MAN1B1: variants seen among roughly 807,000 people sequenced by gnomAD.
MAN1B1 encodes the protein mannosidase alpha class 1B member 1.
MAN1B1 carries 66 observed loss-of-function variants against 75.5 expected under a neutral mutation model. The observed-to-expected ratio is 0.87, with a 90% CI of 0.72 to 1.07. The LOEUF (loss-of-function observed/expected upper bound fraction) is 1.07, where lower values mean the gene tolerates loss of function less well. MAN1B1 is among the 50% of genes least tolerant of loss of function. The pLI is 0.00. For missense variants in MAN1B1, 973 were observed against 912.5 expected (o/e 1.07, Z -0.85); for synonymous variants, 453 against 382.8 (o/e 1.18, Z -2.14).
chr9:137,088,573 C>T, intron 2 of MAN1B1: 1 of 793,704 alleles, frequency 1.3e-6, no homozygotes, highest in Non-Finnish European at 2.0e-6. Flanking sequence ...TAAGATGCTT[C>T]TCTTTGGAGC....
intron 5 of MAN1B1, among the ~76,000 whole-genome samples, chr9:137,098,588 G>T (rs1830722535): frequency 6.6e-6 from 1 of 152,196 alleles, no homozygotes; most frequent in Non-Finnish European, 1.5e-5. Flanking sequence ...AGCAATCTCT[G>T]CGGCATCAAT....
chr9:137,107,268 C>T lies in MAN1B1; in HGVS notation c.1585C>T (p.Leu529=), dbSNP rs1243391132. Residue 529 remains leucine, a synonymous_variant, in exon 11 of 13, where the codon CTG becomes TTG. Transcript: ENST00000371589. The part of the protein sequence containing the change: ...SAKMDHLVCF[L]PGTLALGVYH... The stretch of plus-strand genomic sequence containing the variant: ...ATTCCAGGACCACCTGGTGTGCTTC[C>T]TGCCAGGGACGCTGGCTCTGGGCGT... 6.2e-7 allele frequency: 1 copy of T among 1,612,988 alleles called. No homozygotes were observed. Among genetic ancestry groups the T allele is most frequent in the Non-Finnish European group, 8.5e-7 (1 of 1,179,966 alleles).
intron 5 of MAN1B1, 118 bp from the exon 6 acceptor site, chr9:137,099,578 C>G: frequency 8.5e-7 from 1 of 1,176,708 alleles, no homozygotes; most frequent in Non-Finnish European, 1.3e-6. Context: ...CCCGTCGTCC[C>G]AAACCCACCG....
At chr9:137,106,893 G>A (rs945546169) in intron 10 of MAN1B1, 84 bp downstream of exon 10, 24 of 875,746 alleles carry the variant, frequency 2.7e-5, no homozygotes, top group East Asian at 3.5e-5. Context: ...CAAAAAGAAC[G>A]AAATCCTGGC....
intron 4 of MAN1B1, among the ~76,000 whole-genome samples, chr9:137,096,986 T>G (rs963613492): frequency 6.6e-6 from 1 of 152,246 alleles, no homozygotes; most frequent in African/African-American, 2.4e-5. Context: ...AGGGCTGCTG[T>G]GCAGGAGTGG....
chr9:137,098,973 G>A (rs1830732254), intron 5 of MAN1B1, among the ~76,000 whole-genome samples: 1 of 152,182 alleles, frequency 6.6e-6, no homozygotes, highest in Non-Finnish European at 1.5e-5. Context: ...GGGATTATAG[G>A]CACCCGCCAC....
In MAN1B1 at chr9:137,099,826, C is replaced by T. The variant is rs142928152; in HGVS notation, c.861C>T (p.Leu287=). Residue 287 remains leucine, a synonymous_variant, in exon 6 of 13, where the codon CTC becomes CTT. Transcript: ENST00000371589. ...VSRSFSEWFG[L]GLTLIDALDT... is the part of the protein sequence containing the mutation. Reference sequence around the variant, plus strand: ...GGTCCTTCAGTGAGTGGTTTGGCCTCGGTCTCACACTGATCGACGCGCTGG... The same window carrying T: ...GGTCCTTCAGTGAGTGGTTTGGCCTTGGTCTCACACTGATCGACGCGCTGG... 3,182 of 1,614,224 alleles carry T rather than the reference C, an allele frequency of 2.0e-3. 24 individuals are homozygous for T. Among genetic ancestry groups the T allele is most frequent in the East Asian group, 8.2e-3 (370 of 44,894 alleles).
rs998194750 is a variant in MAN1B1 at position 137,108,143 on chromosome 9, C to A, written c.1897-245C>A. ...TGTGCCCTGTGCGGCAACTGTGAGG[C>A]CCCCTGAGCCCAGGTTCTGGGGGAG... On this transcript the variant is annotated intron_variant, in intron 12 of 12. Coordinates refer to ENST00000371589, the MANE Select transcript of MAN1B1 (RefSeq NM_016219.5). The A allele has an allele frequency of 5.6e-5, 34 of 611,256 alleles. No individual in the cohort carries two copies. In the Admixed American group the frequency reaches 8.7e-4, roughly 16 times the overall value. The allele number at this position is 611,256 out of a possible 1,614,324, so 37.9% of individuals were successfully genotyped here. A position where few individuals can be genotyped will look rare whatever the true frequency, so the allele number is the denominator to read the frequency against.
intron 1 of MAN1B1, chr9:137,087,682 T>C: frequency 9.9e-6 from 4 of 404,406 alleles, no homozygotes; most frequent in Non-Finnish European, 1.9e-5. Context: ...GTGCCTGGGC[T>C]ACATCTGTGG....
chr9:137,102,285 T>C (rs1288451886), intron 8 of MAN1B1: 27 of 224,386 alleles, frequency 1.2e-4, no homozygotes, highest in Non-Finnish European at 1.4e-4. Context: ...TTACACACAT[T>C]CACTGTTGCA....
intron 8 of MAN1B1, chr9:137,103,153 A>C (rs113275353): frequency 5.9e-5 from 6 of 101,218 alleles, no homozygotes; most frequent in Non-Finnish European, 9.5e-5. Flanking sequence ...TTACATTCAC[A>C]CTGTTGCAGG....
chr9:137,098,547 A>C (rs1321998258), intron 5 of MAN1B1, among the ~76,000 whole-genome samples: 1 of 151,384 alleles, frequency 6.6e-6, no homozygotes, highest in East Asian at 1.9e-4. Flanking sequence ...CAGAGCCAGG[A>C]CTCCCAGCCC....
At chr9:137,106,953 C>A in intron 10 of MAN1B1, 144 bp downstream of exon 10, 1 of 1,212,262 alleles carries the variant, frequency 8.2e-7, no homozygotes, top group Non-Finnish European at 1.1e-6. Flanking sequence ...CCTGGCCAGG[C>A]CTGTCTTGGC....
At chr9:137,088,455 C>CTCAGCCTATTTG (rs1830437574) in intron 2 of MAN1B1, 1 of 1,525,510 alleles carries the variant, frequency 6.6e-7, no homozygotes, top group African/African-American at 1.4e-5. Context: ...TGGGCTTGAA[C>CTCAGCCTATTTG]ACTCAGCCTA....
chr9:137,107,424 G>T lies in MAN1B1; in HGVS notation c.1741G>T (p.Gly581Cys), dbSNP rs1362755825. 1 of 1,613,340 alleles carries T rather than the reference G, an allele frequency of 6.2e-7. No individual in the cohort carries two copies. Among genetic ancestry groups the T allele is most frequent in the Non-Finnish European group, 8.5e-7 (1 of 1,180,008 alleles). The change falls in exon 11 of 13, where the codon GGC (glycine) becomes TGC (cysteine). Residue 581 changes from glycine (G) to cysteine (C), a missense_variant. By Grantham distance (159) the Gly-to-Cys change is radical. Transcript: ENST00000371589. Reference sequence around the variant, plus strand: ...GCACTTCAACCTTTACCCCCAGCCGGGCCGTCGGGACGTGGAGGTCAAGGT... The same window carrying T: ...GCACTTCAACCTTTACCCCCAGCCGTGCCGTCGGGACGTGGAGGTCAAGGT... ...IVHFNLYPQP[G>C]RRDVEVKPAD...
chr9:137,087,064 C>G lies in MAN1B1; in HGVS notation c.65C>G (p.Pro22Arg). Residue 22 changes from proline (P) to arginine (R), a missense_variant, in exon 1 of 13, where the codon CCG becomes CGG. Coordinates refer to ENST00000371589, the MANE Select transcript of MAN1B1 (RefSeq NM_016219.5). Reference protein sequence around the residue: ...LGSSQSDFLTPPVGGAPWAVA... With the variant: ...LGSSQSDFLTRPVGGAPWAVA... ...TCCTCTCAGTCGGACTTCCTGACGC[C>G]GCCAGTGGGCGGGGCCCCTTGGGCC... The G allele has an allele frequency of 1.9e-6, 3 of 1,603,726 alleles. No homozygotes were observed. Among genetic ancestry groups the G allele is most frequent in the East Asian group, 4.5e-5 (2 of 44,516 alleles).
intron 4 of MAN1B1, among the ~76,000 whole-genome samples, chr9:137,097,572 C>G (rs1830686195): frequency 6.6e-6 from 1 of 152,284 alleles, no homozygotes; most frequent in Non-Finnish European, 1.5e-5. Context: ...AGAGGGATTT[C>G]TCACGATTCT....
In MAN1B1 at chr9:137,107,407, A is replaced by G. The variant is rs375378489; in HGVS notation, c.1724A>G (p.Asn575Ser). 3.3e-5 allele frequency: 53 copies of G among 1,613,152 alleles called. No homozygotes were observed. The highest frequency in any genetic ancestry group is 4.1e-5 in the Non-Finnish European group (48 of 1,179,970). ...CTGAGTCCCGAGATCGTGCACTTCA[A>G]CCTTTACCCCCAGCCGGGCCGTCGG... Reference protein sequence around the residue: ...TGLSPEIVHFNLYPQPGRRDV... With the variant: ...TGLSPEIVHFSLYPQPGRRDV... Residue 575 changes from asparagine to serine, a missense_variant, in exon 11 of 13, where the codon AAC (asparagine) becomes AGC (serine). Physicochemically the swap from Asn to Ser is conservative, Grantham distance 46. Transcript: ENST00000371589.
Position 137,108,436 on chromosome 9 carries a change from A to G in MAN1B1, c.1945A>G (p.Lys649Glu). The change falls in exon 13 of 13, where the codon AAG (lysine) becomes GAG (glutamate). Residue 649 changes from lysine to glutamate, a missense_variant. Transcript: ENST00000371589. ...SSINNVQDPQKPEPRDKMESF... is the reference protein window; with the variant it reads ...SSINNVQDPQEPEPRDKMESF... Reference sequence around the variant, plus strand: ...CATCAACAATGTCCAGGATCCTCAGAAGCCCGAGCCTAGGGACAAGATGGA... The same window carrying G: ...CATCAACAATGTCCAGGATCCTCAGGAGCCCGAGCCTAGGGACAAGATGGA... 6.2e-7 allele frequency: 1 copy of G among 1,613,856 alleles called. No individual in the cohort carries two copies. The highest frequency in any genetic ancestry group is 1.1e-5 in the South Asian group (1 of 91,074).
Sources: allele counts gnomAD v4.1 joint callset (sites outside exome capture counted in the v4.1 genomes callset), GRCh38; gene constraint gnomAD v4.1.1; transcripts MANE v1.5; gene names NCBI Gene and HGNC (gene_info 2026-07-23, HGNC 2026-07-21).